ORAI2: variants seen among roughly 807,000 people sequenced by gnomAD.
ORAI2 encodes protein orai-2.
ORAI2 carries 10 observed loss-of-function variants against 16.2 expected under a neutral mutation model. The observed-to-expected ratio is 0.62, with a 90% CI of 0.38 to 1.04. The LOEUF (loss-of-function observed/expected upper bound fraction) is 1.04. Among genes scored for constraint, ORAI2 ranks in the 50% least tolerant of loss-of-function variants. ORAI2 has a pLI of 0.01. For missense variants in ORAI2, 238 were observed against 355.5 expected (o/e 0.67, Z 2.66); for synonymous variants, 150 against 157.5 (o/e 0.95, Z 0.35).
chr7:102,447,081 C>G lies in ORAI2; in HGVS notation c.*29C>G. 1 of 1,500,316 alleles carries G rather than the reference C, an allele frequency of 6.7e-7. No individual in the cohort carries two copies. Among genetic ancestry groups the G allele is most frequent in the African/African-American group, 1.4e-5 (1 of 72,080 alleles). 92.9% of individuals were successfully genotyped at this position (1,500,316 alleles called of 1,614,324 possible). The stretch of plus-strand genomic sequence containing the variant: ...GCCGAGGGCCGGGGCTGGGAGCGGC[C>G]CTGTGCCCGGGAGTCCGCAGAGGCG... On this transcript the variant is annotated 3_prime_UTR_variant, in exon 4 of 4. Coordinates refer to ENST00000495936, the MANE Select transcript of ORAI2 (RefSeq NM_001126340.3).
chr7:102,438,402 C>T (rs1035949715), intron 2 of ORAI2, among the ~76,000 whole-genome samples: 8 of 152,136 alleles, frequency 5.3e-5, no homozygotes, highest in African/African-American at 1.9e-4. Flanking sequence ...CCCATTCTCA[C>T]GATGAAAGAG....
At chr7:102,437,622 A>C (rs1227707766) in intron 2 of ORAI2, among the ~76,000 whole-genome samples, 1 of 152,146 alleles carries the variant, frequency 6.6e-6, no homozygotes, top group African/African-American at 2.4e-5. Context: ...CTCAAAAAAT[A>C]AATAAATTTA....
chr7:102,437,523 G>A (rs1797091621), intron 2 of ORAI2, among the ~76,000 whole-genome samples: 1 of 152,170 alleles, frequency 6.6e-6, no homozygotes, highest in Non-Finnish European at 1.5e-5. Context: ...GCTGAGGCAG[G>A]AGAACGGCTT....
chr7:102,442,873 CATT>C (rs1304862788), intron 3 of ORAI2, among the ~76,000 whole-genome samples: 2 of 129,026 alleles, frequency 1.6e-5, no homozygotes, highest in Non-Finnish European at 1.6e-5. Context: ...AAAAAAAAAA[CATT>C]AGCCGTGGTG....
chr7:102,444,663 TTC>T (rs1312901535), intron 3 of ORAI2, among the ~76,000 whole-genome samples: 5 of 81,440 alleles, frequency 6.1e-5, no homozygotes, highest in East Asian at 4.0e-4. Flanking sequence ...CCCAGGCTTC[TTC>T]TTTTTTTTTT....
rs747609720 is a variant in ORAI2 at position 102,446,601 on chromosome 7, T to TG, written c.316dup (p.Ala106GlyfsTer35). The TG allele has an allele frequency of 1.9e-6, 3 of 1,613,796 alleles. No homozygotes were observed. Among genetic ancestry groups the TG allele is most frequent in the Non-Finnish European group, 2.5e-6 (3 of 1,180,020 alleles). ...TTCAGCGCCTGCACCACGGTGCTGG[T>TG]GGCCGTGCACCTGTTCGCCCTCCTC... On this transcript the variant is annotated frameshift_variant, in exon 4 of 4. Coordinates refer to ENST00000495936, the MANE Select transcript of ORAI2 (RefSeq NM_001126340.3). LOFTEE classifies it high-confidence loss of function.
rs1157036022 is a variant in ORAI2 at position 102,448,050 on chromosome 7, C to T, written c.*998C>T. On this transcript the variant is annotated 3_prime_UTR_variant, in exon 4 of 4. Transcript: ENST00000495936. ...TGGCCCTAGGCAGCGAGGGGACAGC[C>T]TGGGGGACTTCCTGCCTAGGCAAGG... is the stretch of plus-strand genomic sequence containing the variant. 1 of 152,490 alleles carries T rather than the reference C, an allele frequency of 6.6e-6. No homozygotes were observed. The highest frequency in any genetic ancestry group is 1.5e-5 in the Non-Finnish European group (1 of 68,132). The allele number at this position is 152,490 out of a possible 1,614,324, so 9.4% of individuals were successfully genotyped here.
At position 102,448,425 on chromosome 7, in the gene ORAI2, G is replaced by GGGCC. The variant is rs1425591132; in HGVS notation, c.*1376_*1379dup. ...CTTTTGTTCTCATAAATAGTCACTG[G>GGGCC]GGCCGGGCGCAGTGACTCACGCCTG... On this transcript the variant is annotated 3_prime_UTR_variant, in exon 4 of 4. Coordinates refer to ENST00000495936, the MANE Select transcript of ORAI2 (RefSeq NM_001126340.3). 4 of 152,218 alleles carry GGGCC rather than the reference G, an allele frequency of 2.6e-5. No individual in the cohort carries two copies. The highest frequency in any genetic ancestry group is 9.7e-5 in the African/African-American group (4 of 41,418). The allele number at this position is 152,218 out of a possible 1,614,324, so 9.4% of individuals were successfully genotyped here.
At chr7:102,439,505 A>G (rs1026183534) in intron 3 of ORAI2, among the ~76,000 whole-genome samples, 1 of 152,152 alleles carries the variant, frequency 6.6e-6, no homozygotes, top group Non-Finnish European at 1.5e-5. Context: ...CACACCTGTA[A>G]TCCCAGCACT....
At chr7:102,443,022 TA>T (rs199751004) in intron 3 of ORAI2, among the ~76,000 whole-genome samples, 79 of 136,102 alleles carry the variant, frequency 5.8e-4, no homozygotes, top group African/African-American at 1.2e-3. Context: ...TCTGTCTCAA[TA>T]AAAAAAAAAA....
rs376835608 is a variant in ORAI2 at position 102,446,593 on chromosome 7, G to A, written c.306G>A (p.Thr102=). The part of the protein sequence containing the change: ...PLLIAFSACT[T]VLVAVHLFAL... Reference sequence around the variant, plus strand: ...TGATTGCCTTCAGCGCCTGCACCACGGTGCTGGTGGCCGTGCACCTGTTCG... The same window carrying A: ...TGATTGCCTTCAGCGCCTGCACCACAGTGCTGGTGGCCGTGCACCTGTTCG... The change falls in exon 4 of 4, where the codon ACG becomes ACA. Residue 102 remains threonine, a synonymous_variant. Coordinates refer to ENST00000495936, the MANE Select transcript of ORAI2 (RefSeq NM_001126340.3). 2.1e-4 allele frequency: 336 copies of A among 1,613,616 alleles called. No homozygotes were observed. Among genetic ancestry groups the A allele is most frequent in the South Asian group, 4.1e-4 (37 of 91,090 alleles).
Position 102,446,536 on chromosome 7 carries a change from G to A in ORAI2, c.249G>A (p.Leu83=). The A allele has an allele frequency of 5.6e-6, 9 of 1,610,376 alleles. No homozygotes were observed. The highest frequency in any genetic ancestry group is 7.6e-6 in the Non-Finnish European group (9 of 1,178,674). Residue 83 remains leucine (L), a synonymous_variant, in exon 4 of 4, where the codon CTG becomes CTA. Transcript: ENST00000495936. ...FAMVAMVEVQ[L]ETQYQYPRPL... is the part of the protein sequence containing the mutation. ...AGGTGGCCATGGTGGAGGTGCAGCTGGAGACGCAGTACCAGTACCCGCGGC... is the reference window on the plus strand; with the variant it reads ...AGGTGGCCATGGTGGAGGTGCAGCTAGAGACGCAGTACCAGTACCCGCGGC...
chr7:102,443,491 A>C (rs1797269558), intron 3 of ORAI2, among the ~76,000 whole-genome samples: 1 of 150,840 alleles, frequency 6.6e-6, no homozygotes, highest in Admixed American at 6.6e-5. Flanking sequence ...CCTCATAATC[A>C]TCTTTATTTC....
At chr7:102,439,706 A>G (rs545934295) in intron 3 of ORAI2, among the ~76,000 whole-genome samples, 2 of 152,086 alleles carry the variant, frequency 1.3e-5, no homozygotes, top group East Asian at 1.9e-4. Flanking sequence ...GGAGGCCTCA[A>G]TGAGTTATGT....
intron 3 of ORAI2, among the ~76,000 whole-genome samples, chr7:102,442,204 T>TC (rs1168315745): frequency 6.7e-6 from 1 of 149,212 alleles, no homozygotes; most frequent in East Asian, 2.0e-4. Context: ...TCACTTGAGG[T>TC]CAGGAGTTCC....
chr7:102,445,827 C>T (rs1586715841), intron 3 of ORAI2, among the ~76,000 whole-genome samples: 1 of 151,724 alleles, frequency 6.6e-6, no homozygotes, highest in Non-Finnish European at 1.5e-5. Context: ...TCCTCCCTCC[C>T]TCCCTTTTCT....
chr7:102,446,836 C>T lies in ORAI2; in HGVS notation c.549C>T (p.Gly183=), dbSNP rs763356624. Residue 183 remains glycine (G), a synonymous_variant, in exon 4 of 4, where the codon GGC becomes GGT. Transcript: ENST00000495936. Reference sequence around the variant, plus strand: ...CCGTGGATGCCCGGCGCCAGCCTGGCCCCCCACCTGGCCCTGGGAGTCACA... The same window carrying T: ...CCGTGGATGCCCGGCGCCAGCCTGGTCCCCCACCTGGCCCTGGGAGTCACA... ...FLPVDARRQP[G]PPPGPGSHTG... The T allele has an allele frequency of 4.3e-6, 7 of 1,613,752 alleles. No homozygotes were observed. Among genetic ancestry groups the T allele is most frequent in the East Asian group, 2.2e-5 (1 of 44,886 alleles).
In ORAI2 at chr7:102,447,395, C is replaced by T; in HGVS notation, c.*343C>T. 1 of 268,496 alleles carries T rather than the reference C, an allele frequency of 3.7e-6. No individual in the cohort carries two copies. The highest frequency in any genetic ancestry group is 7.1e-6 in the Non-Finnish European group (1 of 141,744). The allele number at this position is 268,496 out of a possible 1,614,324, so 16.6% of individuals were successfully genotyped here. On this transcript the variant is annotated 3_prime_UTR_variant, in exon 4 of 4. Transcript: ENST00000495936. The stretch of plus-strand genomic sequence containing the variant: ...CCCAGCGGTCCGGGGGAGTCTCAGA[C>T]CCGGCATGCGTGGCTGGCAGACCTG...
rs1026080734 is a variant in ORAI2, at chr7:102,456,171, G to C, written c.*9119G>C. 1 of 153,880 alleles carries C rather than the reference G, an allele frequency of 6.5e-6. No individual in the cohort carries two copies. The highest frequency in any genetic ancestry group is 2.4e-5 in the African/African-American group (1 of 41,440). 9.5% of individuals were successfully genotyped at this position (153,880 alleles called of 1,614,324 possible). On this transcript the variant is annotated 3_prime_UTR_variant, in exon 4 of 4. Coordinates refer to ENST00000495936, the MANE Select transcript of ORAI2 (RefSeq NM_001126340.3). ...AACAGCAGAGCAGCTCCCCCATCCA[G>C]GTAAGCGCCCCCACCACAGCCCCAT...
Sources: allele counts gnomAD v4.1 joint callset (sites outside exome capture counted in the v4.1 genomes callset), GRCh38; gene constraint gnomAD v4.1.1; transcripts MANE v1.5; gene names NCBI Gene and HGNC (gene_info 2026-07-23, HGNC 2026-07-21).